Variants in FOXP1 observed in about 807,000 individuals in gnomAD.
FOXP1 encodes the protein forkhead box P1.
In FOXP1, 15 loss-of-function variants were observed where a neutral mutation model predicts 98.2. The ratio of observed to expected loss-of-function variants is 0.15; its 90% CI spans 0.10 to 0.24. FOXP1 has a LOEUF of 0.24. Among genes scored for constraint, FOXP1 ranks in the 10% least tolerant of loss-of-function variants. FOXP1 has a pLI of 1.00. For missense variants in FOXP1, 633 were observed against 848.5 expected, an observed-to-expected ratio of 0.75 and a Z score of 3.15; for synonymous variants, 371 against 314.5, an observed-to-expected ratio of 1.18 and a Z score of -1.90.
At chr3:71,282,227 G>C (rs187013689) in intron 5 of FOXP1, among the ~76,000 whole-genome samples, 1,683 of 152,254 alleles carry the variant, frequency 0.011, 11 homozygotes, top group Non-Finnish European at 0.018. Context: ...TTCAAATACA[G>C]TGTTATCCAT....
intron 3 of FOXP1, among the ~76,000 whole-genome samples, chr3:71,382,437 G>A (rs936501636): frequency 8.5e-5 from 13 of 152,236 alleles, no homozygotes; most frequent in East Asian, 1.9e-4. Context: ...CTCCAGTGGC[G>A]GAAAACACAT....
intron 11 of FOXP1, among the ~76,000 whole-genome samples, chr3:71,025,063 T>C (rs1162119308): frequency 2.6e-5 from 4 of 152,190 alleles, no homozygotes; most frequent in African/African-American, 9.7e-5. Context: ...AGAAACATGA[T>C]TTCTCAGTAG....
intron 13 of FOXP1, among the ~76,000 whole-genome samples, chr3:70,994,781 G>C (rs1407887743): frequency 6.6e-6 from 1 of 152,088 alleles, no homozygotes; most frequent in Admixed American, 6.5e-5. Context: ...TTTTTCCCTT[G>C]CCTGCTTTCA....
At chr3:71,573,195 A>C (rs2047468142) in intron 2 of FOXP1, among the ~76,000 whole-genome samples, 1 of 152,220 alleles carries the variant, frequency 6.6e-6, no homozygotes, top group Admixed American at 6.5e-5. Context: ...AAAAGCAAAC[A>C]CAGAAATGAG....
intron 5 of FOXP1, among the ~76,000 whole-genome samples, chr3:71,257,585 C>CAA (rs11337315): frequency 1.1e-3 from 77 of 71,712 alleles, no homozygotes; most frequent in African/African-American, 3.3e-3. Flanking sequence ...AACTCCATCT[C>CAA]AAAAAAAAAA....
At position 71,034,745 on chromosome 3, in the gene FOXP1, TCA is replaced by T. The variant is rs1176238082; in HGVS notation, c.869+6581_869+6582del. Among the ~76,000 whole-genome samples the T allele has an allele frequency of 2.0e-5, 3 of 152,198 alleles. No homozygotes were observed. In the East Asian group the frequency reaches 5.8e-4, roughly 30 times the overall value. ...TTAAATTTGTGTCTCTTGCCTGTGA[TCA>T]CAGAGCCAAGGAGTGGGTCTCAAGT... is the stretch of plus-strand genomic sequence containing the variant. On this transcript the variant is annotated intron_variant, in intron 11 of 20. Transcript: ENST00000649528.
chr3:71,321,016 C>T (rs1294542189), intron 4 of FOXP1, among the ~76,000 whole-genome samples: 6 of 150,584 alleles, frequency 4.0e-5, no homozygotes, highest in Non-Finnish European at 8.8e-5. Context: ...AGCAAGGAAG[C>T]TATAAGAATT....
intron 2 of FOXP1, among the ~76,000 whole-genome samples, chr3:71,518,676 T>C (rs1285255026): frequency 6.6e-6 from 1 of 152,202 alleles, no homozygotes. Context: ...AAAGGGTGTC[T>C]GAAACAATGC....
In FOXP1 at chr3:71,405,248, G is replaced by C. The variant is rs146787637; in HGVS notation, c.-167-46004C>G. Among the ~76,000 whole-genome samples, 592 of 152,262 alleles carry C rather than the reference G, an allele frequency of 3.9e-3. 4 individuals are homozygous for C. The highest frequency in any genetic ancestry group is 0.013 in the African/African-American group (527 of 41,540). ...GCCTTTTCTGATGCCTGCCATCCTCGCCTATGGAAAGGGTATAGTAACAGC... is the reference window on the plus strand; with the variant it reads ...GCCTTTTCTGATGCCTGCCATCCTCCCCTATGGAAAGGGTATAGTAACAGC... On this transcript the variant is annotated intron_variant, in intron 3 of 20. Coordinates refer to ENST00000649528, the MANE Select transcript of FOXP1 (RefSeq NM_001349338.3).
intron 6 of FOXP1, among the ~76,000 whole-genome samples, chr3:71,194,480 T>C (rs1020462903): frequency 6.6e-6 from 1 of 152,190 alleles, no homozygotes; most frequent in Non-Finnish European, 1.5e-5. Flanking sequence ...AAAGCTCTCA[T>C]TTGCAGCAAT....
At chr3:70,999,532 T>C (rs899032571) in intron 13 of FOXP1, among the ~76,000 whole-genome samples, 11 of 152,254 alleles carry the variant, frequency 7.2e-5, no homozygotes, top group African/African-American at 2.7e-4. Flanking sequence ...TGAGATTTTA[T>C]GATGTGCCCT....
At chr3:71,551,459 A>G (rs2045771729) in intron 2 of FOXP1, among the ~76,000 whole-genome samples, 1 of 152,336 alleles carries the variant, frequency 6.6e-6, no homozygotes, top group East Asian at 1.9e-4. Context: ...AAACCTTAGA[A>G]GCATACCAAA....
intron 4 of FOXP1, among the ~76,000 whole-genome samples, chr3:71,348,806 GCTAA>G (rs1344348665): frequency 4.6e-5 from 7 of 152,102 alleles, no homozygotes; most frequent in African/African-American, 1.7e-4. Flanking sequence ...CTTCCACAAT[GCTAA>G]CTGTTATGTG....
At chr3:71,093,547 G>A (rs112442925) in intron 7 of FOXP1, among the ~76,000 whole-genome samples, 2 of 147,232 alleles carry the variant, frequency 1.4e-5, no homozygotes, top group East Asian at 4.3e-4. Context: ...ACCTCTGTTA[G>A]TACATTTATT....
Position 70,979,279 on chromosome 3 carries a change from CAAAAAAAAAAAAAAAAAA to C in FOXP1, c.1147-1268_1147-1251del, listed in dbSNP as rs544916383. 9.9e-4 allele frequency among the ~76,000 whole-genome samples: 42 copies of C among 42,562 alleles called. 1 individual carries two copies. Among genetic ancestry groups the C allele is most frequent in the African/African-American group, 3.8e-3 (29 of 7,668 alleles). The allele number at this position is 42,562 out of a possible 152,430, so 27.9% of individuals were successfully genotyped here. On this transcript the variant is annotated intron_variant, in intron 14 of 20. Transcript: ENST00000649528. Reference sequence around the variant, plus strand: ...TGGGTGATAGAGTGAGACTCTACCTCAAAAAAAAAAAAAAAAAAAAAAAAAAAAAAAAAAAAAAAAAGA... The same window carrying C: ...TGGGTGATAGAGTGAGACTCTACCTCAAAAAAAAAAAAAAAAAAAAAAAGA...
At position 71,550,369 on chromosome 3, in the gene FOXP1, C is replaced by A. The variant is rs140728520; in HGVS notation, c.-298+31180G>T. 6.6e-5 allele frequency among the ~76,000 whole-genome samples: 10 copies of A among 152,254 alleles called. No homozygotes were observed. The South Asian group carries it at 2.1e-3, about 32-fold the overall frequency. On this transcript the variant is annotated intron_variant, in intron 2 of 20. Transcript: ENST00000649528. ...GAGCTAATATGTTATATAACCGCTC[C>A]GTGCCTCAGTTTCCACATCTGCAAA...
intron 2 of FOXP1, among the ~76,000 whole-genome samples, chr3:71,519,945 A>G (rs1471998032): frequency 2.6e-5 from 4 of 152,266 alleles, no homozygotes; most frequent in Non-Finnish European, 5.9e-5. Flanking sequence ...AGGCAAACAC[A>G]TGTCAAGATA....
intron 9 of FOXP1, among the ~76,000 whole-genome samples, chr3:71,052,170 GAA>G (rs796723747): frequency 3.6e-5 from 5 of 139,788 alleles, no homozygotes; most frequent in African/African-American, 1.0e-4. Flanking sequence ...GTGAGCTGGG[GAA>G]AAAAAAAAAA....
At chr3:71,054,750 T>G (rs115872121) in intron 7 of FOXP1, among the ~76,000 whole-genome samples, 5,044 of 151,376 alleles carry the variant, frequency 0.033, 187 homozygotes, top group East Asian at 0.091. Flanking sequence ...CCGCCCCAAA[T>G]AAAAAGATAA....
Sources: gnomAD v4.1 joint callset for allele counts (sites outside exome capture counted in the v4.1 genomes callset) on GRCh38, gnomAD v4.1.1 for gene constraint, MANE v1.5 for transcripts, NCBI Gene and HGNC (gene_info 2026-07-23, HGNC 2026-07-21) for gene names.